DMD: variants seen among roughly 807,000 people sequenced by gnomAD.
DMD encodes the protein dystrophin.
Under a neutral mutation model 330.1 loss-of-function variants are expected in DMD, and 63 were observed. The ratio of observed to expected loss-of-function variants is 0.19; its 90% CI spans 0.16 to 0.24. The LOEUF (loss-of-function observed/expected upper bound fraction) is 0.24, where lower values mean the gene tolerates loss of function less well. DMD is among the 10% of genes least tolerant of loss of function. DMD has a pLI of 1.00. For synonymous variants in DMD, 1,223 were observed against 959.8 expected, an observed-to-expected ratio of 1.27 and a Z score of -5.07; for missense variants, 3,344 against 2,684.1, an observed-to-expected ratio of 1.25 and a Z score of -5.43.
intron 2 of DMD, among the ~76,000 whole-genome samples, chrX:32,952,965 T>C (rs1334138442): frequency 9.2e-6 from 1 of 108,859 alleles, no homozygotes; most frequent in Non-Finnish European, 1.9e-5. Context: ...TGAAGCCCCG[T>C]CTCTACTAAA....
In DMD at chrX:32,528,511, T is replaced by G. The variant is rs193011828; in HGVS notation, c.2169-10380A>C. Among the ~76,000 whole-genome samples, 4 of 111,524 alleles carry G rather than the reference T, an allele frequency of 3.6e-5. No individual in the cohort carries two copies. In the East Asian group the frequency reaches 1.1e-3, roughly 31 times the overall value. ...GTAAAAACATACTGTAAACCAAAAA[T>G]AAAAGGCTAACTCCCCCTCCAAAGG... is the stretch of plus-strand genomic sequence containing the variant. On this transcript the variant is annotated intron_variant, in intron 17 of 78. Coordinates refer to ENST00000357033, the MANE Select transcript of DMD (RefSeq NM_004006.3).
chrX:32,225,233 A>G (rs999190172), intron 43 of DMD, among the ~76,000 whole-genome samples: 1 of 112,092 alleles, frequency 8.9e-6, no homozygotes, highest in African/African-American at 3.2e-5. Flanking sequence ...GGTTTTTGTT[A>G]CAACTACTCA....
chrX:31,645,978 T>C (rs187477202), intron 54 of DMD, among the ~76,000 whole-genome samples: 15 of 111,411 alleles, frequency 1.3e-4, no homozygotes, highest in Non-Finnish European at 2.5e-4. Flanking sequence ...CAAAACCCCA[T>C]TTGGAAAAAG....
At chrX:31,438,992 CAAA>C (rs2064740752) in intron 60 of DMD, among the ~76,000 whole-genome samples, 1 of 111,169 alleles carries the variant, frequency 9.0e-6, no homozygotes, top group Admixed American at 9.6e-5. Flanking sequence ...TGAAGCCACA[CAAA>C]TACTCCTATT....
chrX:32,623,993 A>G (rs977322212), intron 11 of DMD, among the ~76,000 whole-genome samples: 7 of 111,978 alleles, frequency 6.3e-5, no homozygotes, highest in Non-Finnish European at 1.3e-4. Flanking sequence ...TGATATTTCA[A>G]TTTCTTTGTT....
At chrX:32,820,901 C>T (rs2078183770) in intron 5 of DMD, among the ~76,000 whole-genome samples, 1 of 111,692 alleles carries the variant, frequency 9.0e-6, no homozygotes, top group Non-Finnish European at 1.9e-5. Context: ...TTCTATCTTA[C>T]ATACAATGGA....
At chrX:31,535,069 A>G (rs1452388914) in intron 55 of DMD, among the ~76,000 whole-genome samples, 3 of 51,291 alleles carry the variant, frequency 5.8e-5, no homozygotes, top group Admixed American at 3.0e-4. Context: ...TGCCCAAGGT[A>G]ATTTACAGAT....
chrX:31,759,604 C>A (rs908863017), intron 51 of DMD, among the ~76,000 whole-genome samples: 14 of 111,627 alleles, frequency 1.3e-4, no homozygotes, highest in African/African-American at 4.5e-4. Context: ...GTACAAACTG[C>A]TATATATTAT....
chrX:32,556,993 C>T (rs916297818), intron 16 of DMD, among the ~76,000 whole-genome samples: 1 of 111,613 alleles, frequency 9.0e-6, no homozygotes, highest in Non-Finnish European at 1.9e-5. Context: ...ATGATCCAGG[C>T]ATTACAATAA....
chrX:32,264,168 C>T (rs2097334697), intron 43 of DMD, among the ~76,000 whole-genome samples: 1 of 110,491 alleles, frequency 9.1e-6, no homozygotes, highest in Non-Finnish European at 1.9e-5. Flanking sequence ...TGATAGTGAG[C>T]TCTCATGAGA....
chrX:33,208,812 T>C (rs1235868392), intron 1 of DMD, among the ~76,000 whole-genome samples: 1 of 110,961 alleles, frequency 9.0e-6, no homozygotes, highest in East Asian at 2.8e-4. Flanking sequence ...AATATTACAA[T>C]AGAAGGTGGA....
intron 59 of DMD, 44 bp from the exon 60 acceptor site, chrX:31,444,671 A>C (rs770036640): frequency 8.4e-7 from 1 of 1,188,183 alleles, no homozygotes; most frequent in East Asian, 3.0e-5. Context: ...GAGAATATTT[A>C]AAACAAGAAG....
In DMD at chrX:32,517,998, C is replaced by T. The variant is rs763586440; in HGVS notation, c.2292+10G>A. The T allele has an allele frequency of 2.5e-6, 3 of 1,209,491 alleles. No individual in the cohort carries two copies. Among genetic ancestry groups the T allele is most frequent in the Middle Eastern group, 2.3e-4 (1 of 4,335 alleles). On this transcript the variant is annotated intron_variant, in intron 18 of 78. Coordinates refer to ENST00000357033, the MANE Select transcript of DMD (RefSeq NM_004006.3). The stretch of plus-strand genomic sequence containing the variant: ...ATGAGTACAGATATAAAAATTAATG[C>T]ATAACCTACATTGACTTTTTCTTTT...
At position 33,200,278 on chromosome X, in the gene DMD, T is replaced by C. The variant is rs761016497; in HGVS notation, c.31+11004A>G. Among the ~76,000 whole-genome samples, 4 of 111,270 alleles carry C rather than the reference T, an allele frequency of 3.6e-5. No homozygotes were observed. In the South Asian group the frequency reaches 1.5e-3, roughly 42 times the overall value. On this transcript the variant is annotated intron_variant, in intron 1 of 78. Coordinates refer to ENST00000357033, the MANE Select transcript of DMD (RefSeq NM_004006.3). ...TTTTTTTCCCAACCGTGTTGTAGTG[T>C]TCTTTACACTTTTCAAATGGAAAAA... is the stretch of plus-strand genomic sequence containing the variant.
intron 62 of DMD, among the ~76,000 whole-genome samples, chrX:31,316,522 C>G (rs2056028465): frequency 1.8e-5 from 2 of 111,484 alleles, no homozygotes; most frequent in Admixed American, 1.9e-4. Context: ...CTATGAGACA[C>G]AGATGATATC....
chrX:32,509,787 T>C (rs1164640679), intron 18 of DMD, among the ~76,000 whole-genome samples: 1 of 111,976 alleles, frequency 8.9e-6, no homozygotes, highest in Admixed American at 9.5e-5. Flanking sequence ...CCTTTGCAGG[T>C]TCCTAATCAT....
intron 45 of DMD, among the ~76,000 whole-genome samples, chrX:31,948,589 T>C (rs1353904445): frequency 9.0e-6 from 1 of 111,402 alleles, no homozygotes; most frequent in African/African-American, 3.3e-5. Flanking sequence ...GGTGAGATGA[T>C]AGTGTTCATC....
At chrX:32,210,381 CG>C (rs2097089251) in intron 44 of DMD, among the ~76,000 whole-genome samples, 1 of 111,118 alleles carries the variant, frequency 9.0e-6, no homozygotes, top group South Asian at 3.8e-4. Flanking sequence ...TTATTCTTAA[CG>C]TTAGGGTCCC....
intron 7 of DMD, among the ~76,000 whole-genome samples, chrX:32,742,609 T>G (rs1326108834): frequency 1.8e-5 from 2 of 111,003 alleles, no homozygotes; most frequent in African/African-American, 3.3e-5. Context: ...TCACAAGGGT[T>G]TAGAGGAGAG....
Sources: gnomAD v4.1 joint callset for allele counts (sites outside exome capture counted in the v4.1 genomes callset) on GRCh38, gnomAD v4.1.1 for gene constraint, MANE v1.5 for transcripts, NCBI Gene and HGNC (gene_info 2026-07-23, HGNC 2026-07-21) for gene names.